EMB: variants seen among roughly 807,000 people sequenced by gnomAD.
EMB encodes the protein embigin, also known as embigin homolog.
In EMB, 31 loss-of-function variants were observed where a neutral mutation model predicts 41.4. That is an observed-to-expected ratio of 0.75 (90% CI 0.56 to 1.01). EMB has a LOEUF of 1.01. EMB is among the 50% of genes least tolerant of loss of function. The pLI, the probability that EMB is intolerant of heterozygous loss-of-function variation, is 0.00. For missense variants in EMB, 379 were observed against 388.3 expected (o/e 0.98, Z 0.20); for synonymous variants, 137 against 140.4 (o/e 0.98, Z 0.17).
chr5:50,407,579 T>C (rs1031657688), intron 4 of EMB, among the ~76,000 whole-genome samples: 2 of 152,028 alleles, frequency 1.3e-5, no homozygotes, highest in African/African-American at 2.4e-5. Flanking sequence ...AACCATGCTT[T>C]TGTTCTGCTA....
upstream of EMB, chr5:50,442,942 ACTTACTTACCCAAGTTGATGC>A (rs1166984796): frequency 3.3e-5 from 5 of 152,264 alleles, no homozygotes; most frequent in Admixed American, 1.3e-4. Flanking sequence ...GACCAGAAAA[ACTTACTTACCCAAGTTGATGC>A]TGATCCCCAC....
In EMB at chr5:50,441,191, C is replaced by T. The variant is rs760939689; in HGVS notation, c.-40G>A. Reference sequence around the variant, plus strand: ...CGCCTGGGTCCTCGTGGAGACTGCTCCCTCAGCTCGCCGCCGCGGGTGTCC... The same window carrying T: ...CGCCTGGGTCCTCGTGGAGACTGCTTCCTCAGCTCGCCGCCGCGGGTGTCC... On this transcript the variant is annotated 5_prime_UTR_variant, in exon 1 of 9. Transcript: ENST00000303221. 75 of 1,257,716 alleles carry T rather than the reference C, an allele frequency of 6.0e-5. No homozygotes were observed. The highest frequency in any genetic ancestry group is 7.4e-5 in the Non-Finnish European group (72 of 969,450). The allele number at this position is 1,257,716 out of a possible 1,614,324, so 77.9% of individuals were successfully genotyped here.
intron 2 of EMB, among the ~76,000 whole-genome samples, chr5:50,425,023 C>T (rs1745587036): frequency 6.6e-6 from 1 of 152,226 alleles, no homozygotes; most frequent in East Asian, 1.9e-4. Flanking sequence ...GTCTACATAT[C>T]AAGTTTGATG....
intron 4 of EMB, among the ~76,000 whole-genome samples, chr5:50,408,432 C>T (rs755240321): frequency 1.8e-4 from 27 of 151,880 alleles, no homozygotes; most frequent in Non-Finnish European, 1.5e-4. Context: ...GCATCAAGAG[C>T]GAAACACATA....
At chr5:50,427,167 T>A (rs1745625263) in intron 2 of EMB, among the ~76,000 whole-genome samples, 1 of 152,192 alleles carries the variant, frequency 6.6e-6, no homozygotes, top group Non-Finnish European at 1.5e-5. Context: ...AAACTTCTCT[T>A]TGGTTTTCAG....
chr5:50,411,205 G>A lies in EMB; in HGVS notation c.375C>T (p.Thr125=), dbSNP rs113909371. The A allele has an allele frequency of 2.7e-4, 441 of 1,609,374 alleles. 3 individuals are homozygous for A. The African/African-American group carries it at 3.2e-3, about 12-fold the overall frequency. Residue 125 remains threonine, a synonymous_variant, in exon 3 of 9, where the codon ACC becomes ACT. Coordinates refer to ENST00000303221, the MANE Select transcript of EMB (RefSeq NM_198449.3). ...AAAATTTGTATACTCACCTGTATTG[G>A]GTATACAAGGTGCTTCCTGTTGCAC... is the stretch of plus-strand genomic sequence containing the variant. ...LVSATGSTLY[T]QYRFTIINSK...
chr5:50,441,875 G>A (rs1579750381), upstream of EMB, among the ~76,000 whole-genome samples: 1 of 152,150 alleles, frequency 6.6e-6, no homozygotes, highest in African/African-American at 2.4e-5. Flanking sequence ...TAGAGCTCAA[G>A]AAGCAAAAGC....
chr5:50,403,147 A>G, intron 6 of EMB, 31 bp downstream of exon 6: 5 of 1,548,354 alleles, frequency 3.2e-6, no homozygotes, highest in Non-Finnish European at 4.3e-6. Context: ...ACTTTCTAAA[A>G]AAAACAAAAA....
rs569928614 is a variant in EMB, at chr5:50,403,973, G to A, written c.601-519C>T. Among the ~76,000 whole-genome samples, 207 of 151,962 alleles carry A rather than the reference G, an allele frequency of 1.4e-3. 4 individuals carry two copies. The highest frequency in any genetic ancestry group is 4.3e-3 in the African/African-American group (180 of 41,512). On this transcript the variant is annotated intron_variant, in intron 5 of 8. Coordinates refer to ENST00000303221, the MANE Select transcript of EMB (RefSeq NM_198449.3). ...CTTTTGGAGCTGATGTAGATAGAAT[G>A]GAGGGGACCCTCTGTGAGCCTGGGA... is the stretch of plus-strand genomic sequence containing the variant.
chr5:50,432,765 A>C (rs1024135894), intron 1 of EMB, among the ~76,000 whole-genome samples: 5 of 151,574 alleles, frequency 3.3e-5, no homozygotes, highest in African/African-American at 1.2e-4. Flanking sequence ...AAAAAAAAAA[A>C]AAAAAGCTTG....
chr5:50,409,174 G>C (rs1745294204), intron 4 of EMB, among the ~76,000 whole-genome samples: 1 of 152,132 alleles, frequency 6.6e-6, no homozygotes. Flanking sequence ...AAAACAGTTG[G>C]AGAATCAAGA....
intron 2 of EMB, among the ~76,000 whole-genome samples, chr5:50,416,806 C>T (rs1392297799): frequency 6.6e-6 from 1 of 152,146 alleles, no homozygotes; most frequent in Non-Finnish European, 1.5e-5. Context: ...GACACACCCA[C>T]CAGCACCATG....
intron 2 of EMB, among the ~76,000 whole-genome samples, chr5:50,424,541 T>A (rs993025420): frequency 5.3e-5 from 8 of 152,182 alleles, no homozygotes; most frequent in African/African-American, 7.2e-5. Flanking sequence ...ATCATCTAAC[T>A]TTATGGTGAG....
intron 2 of EMB, among the ~76,000 whole-genome samples, chr5:50,423,800 A>G (rs1004142402): frequency 1.5e-4 from 23 of 152,328 alleles, no homozygotes; most frequent in African/African-American, 5.5e-4. Flanking sequence ...TCTTTAAATA[A>G]TAACGGAAAT....
chr5:50,402,223 T>C, intron 7 of EMB, 63 bp downstream of exon 7: 1 of 1,527,866 alleles, frequency 6.5e-7, no homozygotes, highest in East Asian at 2.3e-5. Context: ...AACATTTCAT[T>C]CAATTTTATG....
At chr5:50,399,445 A>C (rs1161511440) in intron 8 of EMB, among the ~76,000 whole-genome samples, 155 bp from the exon 9 acceptor site, 2 of 152,050 alleles carry the variant, frequency 1.3e-5, no homozygotes, top group East Asian at 3.9e-4. Flanking sequence ...TGAACTAAAA[A>C]TTTTGAATCT....
intron 1 of EMB, among the ~76,000 whole-genome samples, chr5:50,438,956 A>C (rs1745851089): frequency 6.8e-6 from 1 of 147,920 alleles, no homozygotes; most frequent in Non-Finnish European, 1.5e-5. Flanking sequence ...CTTAACCCTG[A>C]CGCCTATGGA....
At chr5:50,430,236 C>A (rs1282536993) in intron 1 of EMB, among the ~76,000 whole-genome samples, 4 of 152,148 alleles carry the variant, frequency 2.6e-5, no homozygotes, top group Admixed American at 6.5e-5. Context: ...ACTATATCAT[C>A]TGTTCTGTGA....
chr5:50,405,999 G>C, intron 4 of EMB, 147 bp from the exon 5 acceptor site: 1 of 1,187,912 alleles, frequency 8.4e-7, no homozygotes, highest in Non-Finnish European at 1.1e-6. Context: ...ATTTATAGTA[G>C]TTAGGGTGTA....
Sources: allele counts gnomAD v4.1 joint callset (sites outside exome capture counted in the v4.1 genomes callset), GRCh38; gene constraint gnomAD v4.1.1; transcripts MANE v1.5; gene names NCBI Gene and HGNC (gene_info 2026-07-23, HGNC 2026-07-21).